CASZ1: variants seen among roughly 807,000 people sequenced by gnomAD.
The protein encoded by CASZ1 is castor zinc finger 1, also known as zinc finger protein castor homolog 1.
A neutral mutation model predicts 135.2 loss-of-function variants in CASZ1; 28 were observed. That is an observed-to-expected ratio of 0.21 (90% CI 0.15 to 0.28). CASZ1 has a LOEUF of 0.28. Among genes scored for constraint, CASZ1 ranks in the 10% least tolerant of loss-of-function variants. The probability of loss-of-function intolerance (pLI) is 1.00; values close to 1 mark genes in which losing one functional copy is unlikely to be tolerated. For missense variants in CASZ1, 2,161 were observed against 2,453.3 expected, an observed-to-expected ratio of 0.88 and a Z score of 2.52; for synonymous variants, 1,068 against 1,073.4, an observed-to-expected ratio of 0.99 and a Z score of 0.10.
chr1:10,642,146 T>C (rs1214836369), intron 20 of CASZ1: 1 of 121,870 alleles, frequency 8.2e-6, no homozygotes, highest in East Asian at 2.7e-4. Context: ...AGAGTGGCAC[T>C]GAGCAGAGAG....
At chr1:10,736,589 C>A (rs1453248962) in intron 2 of CASZ1, among the ~76,000 whole-genome samples, 1 of 152,302 alleles carries the variant, frequency 6.6e-6, no homozygotes, top group Middle Eastern at 3.4e-3. Context: ...TCCAGCAAAG[C>A]GTGATCACTC....
Position 10,656,749 on chromosome 1 carries a change from G to A in CASZ1, c.1410-13C>T, listed in dbSNP as rs1372026300. 5.8e-6 allele frequency: 9 copies of A among 1,564,936 alleles called. No individual in the cohort carries two copies. The South Asian group carries it at 7.0e-5, about 12-fold the overall frequency. ...GCTGCCCGAGAACCTGGAGGGAGGA[G>A]GGGTGGGGTCAGGGCCCTGCTGTGG... On this transcript the variant is annotated splice_polypyrimidine_tract_variant and intron_variant, in intron 7 of 20. Transcript: ENST00000377022.
chr1:10,737,298 G>GTCCCCCTCACCCTCGTGGGCCC (rs1553137902), intron 2 of CASZ1, among the ~76,000 whole-genome samples: 1 of 152,152 alleles, frequency 6.6e-6, no homozygotes, highest in Non-Finnish European at 1.5e-5. Context: ...AACCCTGGGC[G>GTCCCCCTCACCCTCGTGGGCCC]TCCCCCTCAC....
At chr1:10,771,074 G>C (rs1225590093) in intron 1 of CASZ1, among the ~76,000 whole-genome samples, 1 of 152,224 alleles carries the variant, frequency 6.6e-6, no homozygotes, top group Non-Finnish European at 1.5e-5. Flanking sequence ...AGAGATGAAG[G>C]CAGAAGCCCC....
At position 10,666,054 on chromosome 1, in the gene CASZ1, C is replaced by T. The variant is rs1393715368; in HGVS notation, c.17-483G>A. ...CTTGGGAGCGTCCTGCCTTACCACA[C>T]GTTCCTGGGGAGGAGTCACAGAGAG... On this transcript the variant is annotated intron_variant, in intron 4 of 20. Coordinates refer to ENST00000377022, the MANE Select transcript of CASZ1 (RefSeq NM_001079843.3). The surrounding 1 kb of genome is among the most constrained non-coding windows in gnomAD (Gnocchi z 5.2). Among the ~76,000 whole-genome samples the T allele has an allele frequency of 6.6e-6, 1 of 152,246 alleles. No individual in the cohort carries two copies. Among genetic ancestry groups the T allele is most frequent in the East Asian group, 1.9e-4 (1 of 5,160 alleles).
chr1:10,794,168 T>C lies in CASZ1; in HGVS notation c.-234+2396A>G, dbSNP rs571598254. On this transcript the variant is annotated intron_variant, in intron 1 of 20. Coordinates refer to ENST00000377022, the MANE Select transcript of CASZ1 (RefSeq NM_001079843.3). This position sits in a 1 kb window ranked among gnomAD's most constrained non-coding sequence, Gnocchi z 5.6. ...GTGCGCGTGTGTGTGCGTGTTTGTATGTGTATGCGTGTGTGTGTGTGTGTG... is the reference window on the plus strand; with the variant it reads ...GTGCGCGTGTGTGTGCGTGTTTGTACGTGTATGCGTGTGTGTGTGTGTGTG... Among the ~76,000 whole-genome samples the C allele has an allele frequency of 6.8e-6, 1 of 146,586 alleles. No individual in the cohort carries two copies. Among genetic ancestry groups the C allele is most frequent in the Non-Finnish European group, 1.5e-5 (1 of 67,658 alleles).
At chr1:10,763,383 AG>A (rs1360239982) in intron 1 of CASZ1, among the ~76,000 whole-genome samples, 1 of 152,120 alleles carries the variant, frequency 6.6e-6, no homozygotes, top group African/African-American at 2.4e-5. Flanking sequence ...TAATCTCCCT[AG>A]GTTCCGTCCC....
In CASZ1 at chr1:10,774,576, A is replaced by G. The variant is rs181524744; in HGVS notation, c.-233-13719T>C. Among the ~76,000 whole-genome samples, 4 of 152,192 alleles carry G rather than the reference A, an allele frequency of 2.6e-5. No individual in the cohort carries two copies. The highest frequency in any genetic ancestry group is 5.9e-5 in the Non-Finnish European group (4 of 68,006). On this transcript the variant is annotated intron_variant, in intron 1 of 20. Coordinates refer to ENST00000377022, the MANE Select transcript of CASZ1 (RefSeq NM_001079843.3). This position sits in a 1 kb window ranked among gnomAD's most constrained non-coding sequence, Gnocchi z 4.4. ...TCCATAGCCCCCCCGATCCAAAAGG[A>G]TCACCAGGAGATCCAGATGGAGCAT...
Position 10,684,317 on chromosome 1 carries a change from C to T in CASZ1, c.16+9557G>A, listed in dbSNP as rs982531678. On this transcript the variant is annotated intron_variant, in intron 4 of 20. Transcript: ENST00000377022. ...CACAGCTGCAAGCCCTTTTCTAGGC[C>T]GGGTCAAGCTTCCAAGCAGTGCTCT... Among the ~76,000 whole-genome samples, 10 of 151,964 alleles carry T rather than the reference C, an allele frequency of 6.6e-5. No individual in the cohort carries two copies. In the South Asian group the frequency reaches 1.2e-3, roughly 19 times the overall value.
rs1295955023 is a variant in CASZ1, at chr1:10,735,031, C to T, written c.-77+25670G>A. The stretch of plus-strand genomic sequence containing the variant: ...ACTCCCCGCCCCATGACCAACGGGA[C>T]CCTGGGAGGACGCAAGGGAGCTTCT... On this transcript the variant is annotated intron_variant, in intron 2 of 20. Coordinates refer to ENST00000377022, the MANE Select transcript of CASZ1 (RefSeq NM_001079843.3). The surrounding 1 kb of genome is among the most constrained non-coding windows in gnomAD (Gnocchi z 5.1). 6.6e-6 allele frequency among the ~76,000 whole-genome samples: 1 copy of T among 152,182 alleles called. No individual in the cohort carries two copies. Among genetic ancestry groups the T allele is most frequent in the Non-Finnish European group, 1.5e-5 (1 of 68,038 alleles).
Position 10,760,512 on chromosome 1 carries a change from G to C in CASZ1, c.-77+189C>G, listed in dbSNP as rs548598482. Among the ~76,000 whole-genome samples the C allele has an allele frequency of 5.3e-5, 8 of 152,364 alleles. No individual in the cohort carries two copies. The East Asian group carries it at 1.5e-3, about 29-fold the overall frequency. ...CCCAAATGCAGGTGCCCTGCTCCCA[G>C]GCCAGAGCTTTCTTCTCCATCCAAC... On this transcript the variant is annotated intron_variant, in intron 2 of 20. Transcript: ENST00000377022.
In CASZ1 at chr1:10,660,335, A is replaced by C; in HGVS notation, c.707T>G (p.Phe236Cys). The change falls in exon 6 of 21, where the codon TTC becomes TGC. Residue 236 changes from phenylalanine to cysteine, a missense_variant. Phe to Cys is a radical substitution (Grantham distance 205). This residue lies in a region of CASZ1 where 590 missense variants were observed against 609.8 expected (regional missense o/e 0.97). Transcript: ENST00000377022. ...SEDTLSKRARFSKYEEYIRKL... is the reference protein window; with the variant it reads ...SEDTLSKRARCSKYEEYIRKL... The stretch of plus-strand genomic sequence containing the variant: ...GCGGATGTACTCCTCATACTTAGAG[A>C]ACCGCGCCCGCTTGCTGAGGGTATC... 1 of 1,614,102 alleles carries C rather than the reference A, an allele frequency of 6.2e-7. No homozygotes were observed. Among genetic ancestry groups the C allele is most frequent in the Non-Finnish European group, 8.5e-7 (1 of 1,180,016 alleles).
intron 4 of CASZ1, among the ~76,000 whole-genome samples, chr1:10,688,577 C>G (rs547774771): frequency 3.7e-4 from 56 of 152,262 alleles, no homozygotes; most frequent in African/African-American, 1.2e-3. Context: ...GACAGCAGAC[C>G]GCTCCTCTCC....
intron 1 of CASZ1, among the ~76,000 whole-genome samples, chr1:10,763,470 G>A (rs1214603520): frequency 3.9e-5 from 6 of 152,124 alleles, no homozygotes; most frequent in African/African-American, 9.7e-5. Flanking sequence ...GACAAGAGGC[G>A]TGAAAGGGTG....
At chr1:10,685,094 T>C (rs913652587) in intron 4 of CASZ1, among the ~76,000 whole-genome samples, 1 of 152,260 alleles carries the variant, frequency 6.6e-6, no homozygotes, top group Non-Finnish European at 1.5e-5. Flanking sequence ...TACTATTACA[T>C]TGGAAATTAC....
rs1250517220 is a variant in CASZ1 at position 10,651,041 on chromosome 1, G to C, written c.2716C>G (p.Pro906Ala). 1.3e-6 allele frequency: 2 copies of C among 1,551,188 alleles called. No homozygotes were observed. The highest frequency in any genetic ancestry group is 4.6e-5 in the Admixed American group (2 of 43,802). Residue 906 changes from proline to alanine, a missense_variant, in exon 12 of 21, where the codon CCG becomes GCG. Physicochemically the swap from Pro to Ala is conservative, Grantham distance 27. This residue lies in a region of CASZ1 where 406 missense variants were observed against 387.6 expected (regional missense o/e 1.05). Coordinates refer to ENST00000377022, the MANE Select transcript of CASZ1 (RefSeq NM_001079843.3). Reference protein sequence around the residue: ...GQQVTPARFPPAQVKPEPGES... With the variant: ...GQQVTPARFPAAQVKPEPGES... ...CCGGGTTCCGGCTTCACTTGGGCCG[G>C]GGGGAACCTGGCTGGGGTGACCTGC... is the stretch of plus-strand genomic sequence containing the variant.
chr1:10,668,720 C>G (rs1334629905), intron 4 of CASZ1, among the ~76,000 whole-genome samples: 2 of 152,386 alleles, frequency 1.3e-5, no homozygotes, highest in South Asian at 4.1e-4. Context: ...CTGCCCTGCG[C>G]TAGCTCTGGC....
chr1:10,695,279 C>T (rs1459588343), intron 3 of CASZ1, among the ~76,000 whole-genome samples: 1 of 152,068 alleles, frequency 6.6e-6, no homozygotes, highest in Non-Finnish European at 1.5e-5. Flanking sequence ...GTGGGGTTTC[C>T]TCGGCGTTGC....
At chr1:10,686,918 G>A (rs1355891408) in intron 4 of CASZ1, among the ~76,000 whole-genome samples, 1 of 152,234 alleles carries the variant, frequency 6.6e-6, no homozygotes, top group African/African-American at 2.4e-5. Flanking sequence ...GGGCAGTGGA[G>A]AGCCGGGTCA....
Sources: gnomAD v4.1 joint callset for allele counts (sites outside exome capture counted in the v4.1 genomes callset) on GRCh38, gnomAD v4.1.1 for gene constraint, gnomAD v4.1.1 regional missense constraint, Gnocchi (gnomAD v3.1) non-coding constraint, MANE v1.5 for transcripts, NCBI Gene and HGNC (gene_info 2026-07-23, HGNC 2026-07-21) for gene names.